ATP1A2: variants seen among roughly 807,000 people sequenced by gnomAD.
ATP1A2 encodes ATPase Na+/K+ transporting subunit alpha 2.
A neutral mutation model predicts 113.1 loss-of-function variants in ATP1A2; 56 were observed. That is an observed-to-expected ratio of 0.49 (90% confidence interval 0.40 to 0.62). The LOEUF (loss-of-function observed/expected upper bound fraction) is 0.62. ATP1A2 is among the 20% of genes least tolerant of loss of function. The probability of loss-of-function intolerance (pLI) is 0.00; values close to 1 mark genes in which losing one functional copy is unlikely to be tolerated. For synonymous variants in ATP1A2, 490 were observed against 526.8 expected, an observed-to-expected ratio of 0.93 and a Z score of 0.96; for missense variants, 712 against 1,357.8, an observed-to-expected ratio of 0.52 and a Z score of 7.47.
At chr1:160,119,201 A>C (rs1651288514) in intron 1 of ATP1A2, among the ~76,000 whole-genome samples, 1 of 149,390 alleles carries the variant, frequency 6.7e-6, no homozygotes, top group Non-Finnish European at 1.5e-5. Flanking sequence ...AAATTGCTCC[A>C]AAAAAAGTAT....
chr1:160,125,394 T>G lies in ATP1A2; in HGVS notation c.748+141T>G, dbSNP rs945892067. 3 of 755,978 alleles carry G rather than the reference T, an allele frequency of 4.0e-6. No individual in the cohort carries two copies. The South Asian group carries it at 4.4e-5, about 11-fold the overall frequency. The allele number at this position is 755,978 out of a possible 1,614,324, so 46.8% of individuals were successfully genotyped here. A position where few individuals can be genotyped will look rare whatever the true frequency, so the allele number is the denominator to read the frequency against. On this transcript the variant is annotated intron_variant, in intron 7 of 22. Transcript: ENST00000361216. The stretch of plus-strand genomic sequence containing the variant: ...AGGGGTCAGGGGGCCCTGAATATTA[T>G]GGAAACACCCTCCACAGAGCAGGGT...
chr1:160,139,223 G>A (rs984902533), intron 20 of ATP1A2, among the ~76,000 whole-genome samples: 5 of 152,184 alleles, frequency 3.3e-5, no homozygotes, highest in African/African-American at 1.2e-4. Context: ...AACTGTGGGA[G>A]ATGCTGAGAC....
rs750867266 is a variant in ATP1A2 at position 160,130,623 on chromosome 1, A to C, written c.1827+26A>C. On this transcript the variant is annotated intron_variant, in intron 13 of 22. Coordinates refer to ENST00000361216, the MANE Select transcript of ATP1A2 (RefSeq NM_000702.4). ...GTACTGGCCTCCCATCCTCCCCTCC[A>C]TTCTAGCCTCCCCCATGCCAGAGTT... The C allele has an allele frequency of 5.6e-6, 9 of 1,613,636 alleles. No homozygotes were observed. The Admixed American group carries it at 1.0e-4, about 18-fold the overall frequency.
chr1:160,129,241 A>C (rs1356085541), intron 10 of ATP1A2, 25 bp from the exon 11 acceptor site: 1 of 1,614,002 alleles, frequency 6.2e-7, no homozygotes, highest in South Asian at 1.1e-5. Context: ...CCATGCTGAC[A>C]CTGAATTCTT....
intron 20 of ATP1A2, chr1:160,137,276 T>C (rs535279535): frequency 3.0e-4 from 174 of 574,334 alleles, no homozygotes; most frequent in Non-Finnish European, 4.9e-4. Flanking sequence ...CCCTCCCTTC[T>C]TTCCCCCATC....
chr1:160,136,479 G>C, intron 18 of ATP1A2, 91 bp from the exon 19 acceptor site: 1 of 1,612,644 alleles, frequency 6.2e-7, no homozygotes, highest in African/African-American at 1.3e-5. Flanking sequence ...GCTACCCAAG[G>C]GTCAGGGACC....
At position 160,134,538 on chromosome 1, in the gene ATP1A2, G is replaced by A. The variant is rs1553245659; in HGVS notation, c.1882G>A (p.Val628Met). 6.2e-7 allele frequency: 1 copy of A among 1,614,194 alleles called. No homozygotes were observed. The highest frequency in any genetic ancestry group is 8.5e-7 in the Non-Finnish European group (1 of 1,180,042). Residue 628 changes from valine to methionine, a missense_variant, in exon 14 of 23, where the codon GTG becomes ATG. Physicochemically the swap from Val to Met is conservative, Grantham distance 21. This residue lies in a region of ATP1A2 where 263 missense variants were observed against 380.6 expected (regional missense o/e 0.69). Transcript: ENST00000361216. ...CACAGCCAAGGCCATTGCCAAAGGC[G>A]TGGGCATCATATCAGAGGGTAACGA... ...PITAKAIAKG[V>M]GIISEGNETV...
At chr1:160,139,606 C>T in intron 20 of ATP1A2, 34 bp from the exon 21 acceptor site, 3 of 1,596,888 alleles carry the variant, frequency 1.9e-6, no homozygotes, top group Non-Finnish European at 2.6e-6. Flanking sequence ...CCATGATCCC[C>T]CTTCACCTGC....
chr1:160,132,184 C>T (rs1489498714), intron 13 of ATP1A2, among the ~76,000 whole-genome samples: 1 of 152,128 alleles, frequency 6.6e-6, no homozygotes, highest in Non-Finnish European at 1.5e-5. Context: ...ACAGTGTGTA[C>T]CCTGGCGTGG....
intron 13 of ATP1A2, among the ~76,000 whole-genome samples, 156 bp from the exon 14 acceptor site, chr1:160,134,328 C>T (rs1350983287): frequency 6.6e-6 from 1 of 151,986 alleles, no homozygotes; most frequent in Non-Finnish European, 1.5e-5. Flanking sequence ...CAGCCACTCC[C>T]CTGCCCACAG....
At chr1:160,132,109 G>A (rs1651793777) in intron 13 of ATP1A2, among the ~76,000 whole-genome samples, 1 of 152,206 alleles carries the variant, frequency 6.6e-6, no homozygotes, top group East Asian at 1.9e-4. Flanking sequence ...TTTGAGCTGG[G>A]CTTTGGAGGT....
chr1:160,137,128 T>A (rs1027265793), intron 20 of ATP1A2, 97 bp downstream of exon 20: 2 of 1,587,720 alleles, frequency 1.3e-6, no homozygotes, highest in Non-Finnish European at 1.7e-6. Flanking sequence ...GGACCAGAGC[T>A]GTAAGGAGGG....
intron 7 of ATP1A2, 119 bp from the exon 8 acceptor site, chr1:160,127,433 C>A (rs902635047): frequency 2.1e-6 from 3 of 1,444,036 alleles, no homozygotes; most frequent in Non-Finnish European, 1.9e-6. Context: ...AATGTGGCCT[C>A]CAGATCTGCG....
At chr1:160,136,215 G>T (rs1335262188) in intron 17 of ATP1A2, 32 bp from the exon 18 acceptor site, 2 of 1,613,930 alleles carry the variant, frequency 1.2e-6, no homozygotes, top group Admixed American at 3.3e-5. Flanking sequence ...CCCTTCAAAT[G>T]CCCTCCCTGC....
In ATP1A2 at chr1:160,126,051, T is replaced by G. The variant is rs144835226; in HGVS notation, c.748+798T>G. Among the ~76,000 whole-genome samples the G allele has an allele frequency of 2.3e-4, 35 of 152,248 alleles. No individual in the cohort carries two copies. The East Asian group carries it at 6.2e-3, about 27-fold the overall frequency. On this transcript the variant is annotated intron_variant, in intron 7 of 22. Coordinates refer to ENST00000361216, the MANE Select transcript of ATP1A2 (RefSeq NM_000702.4). ...CATATCCCAATCCACACTTCCCCTG[T>G]CCATTACTCATTTCTCCTCAGTGTA...
At chr1:160,136,776 G>T in intron 19 of ATP1A2, 61 bp downstream of exon 19, 1 of 1,614,092 alleles carries the variant, frequency 6.2e-7, no homozygotes, top group Middle Eastern at 1.6e-4. Flanking sequence ...TGAATGCCTG[G>T]CAGGAGTGGC....
In ATP1A2 at chr1:160,136,707, C is replaced by T. The variant is rs953931382; in HGVS notation, c.2701C>T (p.Gln901Ter). 6.2e-7 allele frequency: 1 copy of T among 1,614,150 alleles called. No homozygotes were observed. Among genetic ancestry groups the T allele is most frequent in the African/African-American group, 1.3e-5 (1 of 75,044 alleles). Residue 901 changes from glutamine to a stop codon, truncating the protein, a stop_gained, in exon 19 of 23, where the codon CAG (glutamine) becomes TAG (stop). Coordinates refer to ENST00000361216, the MANE Select transcript of ATP1A2 (RefSeq NM_000702.4). LOFTEE classifies it high-confidence loss of function. Reference protein sequence around the residue: ...TMNDLEDSYGQEWTYEQRKVV... With the variant: ...TMNDLEDSYG ...GAATGATCTGGAGGACAGCTATGGA[C>T]AGGAGTGGGTGAGTGGTGCTGTGTA...
Position 160,123,272 on chromosome 1 carries a change from A to G in ATP1A2, c.237A>G (p.Thr79=), listed in dbSNP as rs1360634711. The part of the protein sequence containing the change: ...VLARDGPNAL[T]PPPTTPEWVK... ...CTCGAGATGGGCCCAACGCCCTCAC[A>G]CCACCTCCCACAACCCCTGAGTGGG... is the stretch of plus-strand genomic sequence containing the variant. Residue 79 remains threonine, a synonymous_variant, in exon 4 of 23, where the codon ACA becomes ACG. Transcript: ENST00000361216. The G allele has an allele frequency of 6.2e-7, 1 of 1,614,114 alleles. No homozygotes were observed. The highest frequency in any genetic ancestry group is 1.7e-5 in the Admixed American group (1 of 60,018).
chr1:160,126,856 C>T (rs1489727402), intron 7 of ATP1A2, among the ~76,000 whole-genome samples: 1 of 152,120 alleles, frequency 6.6e-6, no homozygotes, highest in Non-Finnish European at 1.5e-5. Flanking sequence ...GTAATACATT[C>T]CTATTGCTTA....
Sources: allele counts gnomAD v4.1 joint callset (sites outside exome capture counted in the v4.1 genomes callset), GRCh38; gene constraint gnomAD v4.1.1; regional missense constraint gnomAD v4.1.1; transcripts MANE v1.5; gene names NCBI Gene and HGNC (gene_info 2026-07-23, HGNC 2026-07-21).